Variants in LSAMP observed in about 807,000 individuals in gnomAD.
The protein encoded by LSAMP is limbic system-associated membrane protein.
A neutral mutation model predicts 38.6 loss-of-function variants in LSAMP; 7 were observed. That is an observed-to-expected ratio of 0.18 (90% CI 0.10 to 0.34). The LOEUF (loss-of-function observed/expected upper bound fraction) is 0.34, where lower values mean the gene tolerates loss of function less well. Among genes scored for constraint, LSAMP ranks in the 10% least tolerant of loss-of-function variants. LSAMP has a pLI of 1.00. For synonymous variants in LSAMP, 154 were observed against 166.8 expected, an observed-to-expected ratio of 0.92 and a Z score of 0.59; for missense variants, 313 against 420.0, an observed-to-expected ratio of 0.75 and a Z score of 2.23.
At chr3:116,271,758 G>C (rs2046977011) in intron 1 of LSAMP, among the ~76,000 whole-genome samples, 2 of 152,024 alleles carry the variant, frequency 1.3e-5, no homozygotes, top group African/African-American at 4.8e-5. Flanking sequence ...CCAATTTGTA[G>C]TTAGTCTAAA....
chr3:116,194,471 C>A (rs1222644013), intron 1 of LSAMP, among the ~76,000 whole-genome samples: 1 of 152,042 alleles, frequency 6.6e-6, no homozygotes, highest in Non-Finnish European at 1.5e-5. Flanking sequence ...CTCAGCTCAC[C>A]GCAAGCTCCG....
chr3:115,899,999 T>G (rs1422964499), intron 3 of LSAMP, among the ~76,000 whole-genome samples: 1 of 152,204 alleles, frequency 6.6e-6, no homozygotes, highest in African/African-American at 2.4e-5. Flanking sequence ...TAATCCTTCA[T>G]GTCCTCACAG....
At chr3:116,154,562 CTGGTCTG>C (rs1709695684) in intron 1 of LSAMP, among the ~76,000 whole-genome samples, 1 of 152,152 alleles carries the variant, frequency 6.6e-6, no homozygotes, top group African/African-American at 2.4e-5. Context: ...AATGCCCTGC[CTGGTCTG>C]TAACCTAAAT....
chr3:116,111,509 A>G (rs923008072), intron 1 of LSAMP, among the ~76,000 whole-genome samples: 2 of 152,202 alleles, frequency 1.3e-5, no homozygotes, highest in African/African-American at 4.8e-5. Context: ...ATAAATGTTA[A>G]TTTCAAAATA....
At chr3:116,160,784 TAAAG>T (rs1445576367) in intron 1 of LSAMP, among the ~76,000 whole-genome samples, 3 of 152,196 alleles carry the variant, frequency 2.0e-5, no homozygotes, top group African/African-American at 7.2e-5. Context: ...TCATTGCACA[TAAAG>T]AACATTTAAG....
intron 1 of LSAMP, among the ~76,000 whole-genome samples, chr3:116,220,589 T>A (rs2046271709): frequency 6.6e-6 from 1 of 152,170 alleles, no homozygotes; most frequent in Non-Finnish European, 1.5e-5. Context: ...GTTTGCAATA[T>A]CAATTTCTTA....
chr3:116,302,346 T>C (rs767179995), intron 1 of LSAMP, among the ~76,000 whole-genome samples: 36 of 152,306 alleles, frequency 2.4e-4, no homozygotes, highest in Non-Finnish European at 4.4e-4. Flanking sequence ...TACCTGTTTC[T>C]CTTTTCATTC....
At chr3:116,083,164 C>T (rs547723588) in intron 2 of LSAMP, among the ~76,000 whole-genome samples, 16 of 152,116 alleles carry the variant, frequency 1.1e-4, no homozygotes, top group Non-Finnish European at 1.9e-4. Context: ...TAATAGGCAA[C>T]GAGTGAAAGC....
At chr3:115,942,342 A>C (rs1029413857) in intron 3 of LSAMP, among the ~76,000 whole-genome samples, 3 of 152,182 alleles carry the variant, frequency 2.0e-5, no homozygotes, top group Admixed American at 2.0e-4. Context: ...AGTATTTCTC[A>C]TCACCAACGG....
intron 1 of LSAMP, among the ~76,000 whole-genome samples, chr3:116,289,473 T>C (rs1460836655): frequency 6.6e-6 from 1 of 152,194 alleles, no homozygotes; most frequent in East Asian, 1.9e-4. Flanking sequence ...TAGTTTGTCA[T>C]AACAAACTTA....
chr3:115,983,676 T>C (rs1268553503), intron 3 of LSAMP, among the ~76,000 whole-genome samples: 1 of 152,140 alleles, frequency 6.6e-6, no homozygotes, highest in Non-Finnish European at 1.5e-5. Flanking sequence ...TTTTCCAAAA[T>C]AAGTAATTAA....
chr3:116,402,008 T>C (rs2048847390), intron 1 of LSAMP, among the ~76,000 whole-genome samples: 1 of 152,210 alleles, frequency 6.6e-6, no homozygotes, highest in Non-Finnish European at 1.5e-5. Flanking sequence ...AAGAATATTA[T>C]TTCATGCTTC....
chr3:116,358,640 C>G (rs556644805), intron 1 of LSAMP, among the ~76,000 whole-genome samples: 1 of 152,068 alleles, frequency 6.6e-6, no homozygotes, highest in Admixed American at 6.6e-5. Context: ...GCTTTTTTCA[C>G]TTTAATATGA....
At chr3:116,078,919 T>C (rs1707810767) in intron 2 of LSAMP, among the ~76,000 whole-genome samples, 1 of 152,134 alleles carries the variant, frequency 6.6e-6, no homozygotes, top group Non-Finnish European at 1.5e-5. Flanking sequence ...AACATGAAGA[T>C]GCTAAGTATT....
At chr3:116,314,747 A>G (rs1343335545) in intron 1 of LSAMP, among the ~76,000 whole-genome samples, 1 of 152,138 alleles carries the variant, frequency 6.6e-6, no homozygotes, top group Non-Finnish European at 1.5e-5. Context: ...TAGTGCTGCT[A>G]TTTTTAGAGC....
intron 3 of LSAMP, among the ~76,000 whole-genome samples, chr3:115,881,105 C>G (rs1009746382): frequency 6.6e-6 from 1 of 150,504 alleles, no homozygotes; most frequent in Non-Finnish European, 1.5e-5. Context: ...GTGCCATTTC[C>G]AGTAAGATCT....
At chr3:116,225,441 T>C (rs779892340) in intron 1 of LSAMP, among the ~76,000 whole-genome samples, 34 of 152,204 alleles carry the variant, frequency 2.2e-4, no homozygotes, top group Non-Finnish European at 3.5e-4. Flanking sequence ...GACTGTGGAC[T>C]TCAGCCTCCC....
intron 3 of LSAMP, among the ~76,000 whole-genome samples, chr3:115,892,299 A>G (rs1936618939): frequency 6.6e-6 from 1 of 152,000 alleles, no homozygotes; most frequent in Non-Finnish European, 1.5e-5. Flanking sequence ...GACATGTCCA[A>G]GACATTCTCA....
chr3:116,323,023 G>C (rs973910373), intron 1 of LSAMP, among the ~76,000 whole-genome samples: 1 of 152,084 alleles, frequency 6.6e-6, no homozygotes, highest in Non-Finnish European at 1.5e-5. Context: ...CTTAGTTACT[G>C]TACAGGTTAA....
Sources: gnomAD v4.1 joint callset for allele counts (sites outside exome capture counted in the v4.1 genomes callset) on GRCh38, gnomAD v4.1.1 for gene constraint, MANE v1.5 for transcripts, NCBI Gene and HGNC (gene_info 2026-07-23, HGNC 2026-07-21) for gene names.